Variants in FBXL18 observed in about 807,000 individuals in gnomAD.
The protein encoded by FBXL18 is F-box and leucine rich repeat protein 18.
Under a neutral mutation model 46.0 loss-of-function variants are expected in FBXL18, and 36 were observed. That is an observed-to-expected ratio of 0.78 (90% CI 0.60 to 1.03). FBXL18 has a LOEUF of 1.03. Ranked by LOEUF, FBXL18 falls within the 50% of genes least tolerant of loss-of-function variation. The probability of loss-of-function intolerance (pLI) is 0.00; values close to 1 mark genes in which losing one functional copy is unlikely to be tolerated. For missense variants in FBXL18, 977 were observed against 1,004.1 expected, an observed-to-expected ratio of 0.97 and a Z score of 0.36; for synonymous variants, 557 against 465.3, an observed-to-expected ratio of 1.20 and a Z score of -2.54.
intron 2 of FBXL18, among the ~76,000 whole-genome samples, chr7:5,504,829 T>C (rs113204767): frequency 7.4e-6 from 1 of 134,872 alleles, no homozygotes; most frequent in Admixed American, 8.6e-5. Flanking sequence ...GGCAGGAGAA[T>C]GGTGTGAACC....
rs1238766278 is a variant in FBXL18 at position 5,478,730 on chromosome 7, G to C, written c.*3045C>G. The C allele has an allele frequency of 6.6e-6, 1 of 152,344 alleles. No homozygotes were observed. The highest frequency in any genetic ancestry group is 1.5e-5 in the Non-Finnish European group (1 of 68,206). 9.4% of individuals were successfully genotyped at this position (152,344 alleles called of 1,614,324 possible). On this transcript the variant is annotated 3_prime_UTR_variant, in exon 5 of 5. Transcript: ENST00000382368. ...CACACACAGGGCACAGGTACACGAA[G>C]GCACACGTGCACACACAGGGCACAG... is the stretch of plus-strand genomic sequence containing the variant.
intron 4 of FBXL18, among the ~76,000 whole-genome samples, chr7:5,467,546 CAAA>C (rs1257961042): frequency 1.7e-5 from 2 of 119,254 alleles, no homozygotes; most frequent in Non-Finnish European, 3.6e-5. Flanking sequence ...ACTCCGTCTC[CAAA>C]AAAAAAAAAA....
chr7:5,460,793 G>A (rs752213547), intron 4 of FBXL18, among the ~76,000 whole-genome samples: 5 of 152,132 alleles, frequency 3.3e-5, no homozygotes, highest in African/African-American at 7.2e-5. Context: ...ACGTGCACCC[G>A]GGCCTCCATC....
At position 5,490,874 on chromosome 7, in the gene FBXL18, G is replaced by A. The variant is rs28372132; in HGVS notation, c.2000+357C>T. Among the ~76,000 whole-genome samples, 1,263 of 152,310 alleles carry A rather than the reference G, an allele frequency of 8.3e-3. 15 individuals are homozygous for A. Among genetic ancestry groups the A allele is most frequent in the African/African-American group, 0.029 (1,194 of 41,566 alleles). On this transcript the variant is annotated intron_variant, in intron 4 of 4. Transcript: ENST00000382368. ...CTCAGGAAGCCAAGGCAGGAGAATC[G>A]CTTGAACCCGGAAGGCGAAGGTCGC...
At chr7:5,491,195 C>A in intron 4 of FBXL18, 36 bp downstream of exon 4, 1 of 1,558,514 alleles carries the variant, frequency 6.4e-7, no homozygotes, top group Non-Finnish European at 8.7e-7. Context: ...GTGATTTCTG[C>A]GGCCCCTGAA....
chr7:5,468,011 C>T (rs1456084645), intron 4 of FBXL18, among the ~76,000 whole-genome samples: 1 of 147,764 alleles, frequency 6.8e-6, no homozygotes, highest in Admixed American at 6.8e-5. Flanking sequence ...GAGATGGAAT[C>T]TCGCTCTGTC....
At chr7:5,466,431 G>A (rs1264456543) in intron 4 of FBXL18, among the ~76,000 whole-genome samples, 4 of 152,148 alleles carry the variant, frequency 2.6e-5, no homozygotes, top group Non-Finnish European at 5.9e-5. Flanking sequence ...CTTGGCTGGA[G>A]GGAGGACCTC....
intron 1 of FBXL18, among the ~76,000 whole-genome samples, chr7:5,513,048 A>C (rs1287584573): frequency 6.6e-6 from 1 of 152,202 alleles, no homozygotes; most frequent in Non-Finnish European, 1.5e-5. Flanking sequence ...CAGAGTCTAG[A>C]GTCCCCGCTG....
rs544334184 is a variant in FBXL18 at position 5,512,745 on chromosome 7, G to A, written c.18+912C>T. On this transcript the variant is annotated intron_variant, in intron 1 of 4. Coordinates refer to ENST00000382368, the MANE Select transcript of FBXL18 (RefSeq NM_024963.6). ...ATCTTCATTTCAATCTTATCAATCT[G>A]CAGTTGAGCCACACACCGTTCCTTG... 3.3e-4 allele frequency among the ~76,000 whole-genome samples: 50 copies of A among 152,202 alleles called. 1 individual carries two copies. The East Asian group carries it at 8.1e-3, about 25-fold the overall frequency.
At chr7:5,486,960 C>T (rs2128234869) in intron 4 of FBXL18, among the ~76,000 whole-genome samples, 1 of 152,396 alleles carries the variant, frequency 6.6e-6, no homozygotes, top group Admixed American at 6.5e-5. Context: ...AAGAGAAAAG[C>T]GTCAGGAAAA....
chr7:5,486,231 A>AC, intron 4 of FBXL18, among the ~76,000 whole-genome samples: 8 of 148,068 alleles, frequency 5.4e-5, no homozygotes, highest in East Asian at 4.0e-4. Flanking sequence ...AGCCTGGGCA[A>AC]AAAGAGCAAA....
At chr7:5,500,378 C>T in intron 3 of FBXL18, 110 bp downstream of exon 3, 1 of 1,037,324 alleles carries the variant, frequency 9.6e-7, no homozygotes, top group Non-Finnish European at 1.4e-6. Context: ...GGCCCCGCCC[C>T]AGCCTCTGCA....
At chr7:5,488,224 A>G (rs1337302308) in intron 4 of FBXL18, among the ~76,000 whole-genome samples, 1 of 152,244 alleles carries the variant, frequency 6.6e-6, no homozygotes, top group Non-Finnish European at 1.5e-5. Context: ...CCCGGCCTGC[A>G]AGGGGCGGCA....
chr7:5,499,825 C>T (rs1052440867), intron 3 of FBXL18, among the ~76,000 whole-genome samples: 8 of 151,332 alleles, frequency 5.3e-5, no homozygotes, highest in African/African-American at 1.2e-4. Context: ...TTTGGGAGGC[C>T]GAGATGGAGG....
chr7:5,470,693 C>A (rs1297066433), intron 4 of FBXL18, among the ~76,000 whole-genome samples: 1 of 27,528 alleles, frequency 3.6e-5, no homozygotes, highest in African/African-American at 1.7e-4. Context: ...TGCCCCCTCC[C>A]CTTCCCGGGG....
chr7:5,500,895 G>A lies in FBXL18; in HGVS notation c.1374C>T (p.Ser458=). 2 of 1,586,688 alleles carry A rather than the reference G, an allele frequency of 1.3e-6. No homozygotes were observed. Among genetic ancestry groups the A allele is most frequent in the Non-Finnish European group, 1.7e-6 (2 of 1,165,278 alleles). Residue 458 remains serine, a synonymous_variant, in exon 3 of 5, where the codon TCC becomes TCT. Transcript: ENST00000382368. The part of the protein sequence containing the change: ...FGKKVRVGVQ[S]CPSPFSGQAC... ...CCTGGCCCGAGAAGGGGCTGGGACA[G>A]GACTGCACGCCCACACGCACTTTCT...
At chr7:5,469,687 C>T (rs535777790) in intron 4 of FBXL18, among the ~76,000 whole-genome samples, 4 of 150,474 alleles carry the variant, frequency 2.7e-5, no homozygotes, top group East Asian at 2.0e-4. Flanking sequence ...GGGAGCGTGC[C>T]GTGGAAAGCA....
rs1784605556 is a variant in FBXL18, at chr7:5,513,796, C to A, written c.-122G>T. On this transcript the variant is annotated 5_prime_UTR_variant, in exon 1 of 5. Coordinates refer to ENST00000382368, the MANE Select transcript of FBXL18 (RefSeq NM_024963.6). ...AACCGAGACCCCGGCAAGGAGCGGG[C>A]TCTCGTCACTTCCGGCGCCCGCCTA... The A allele has an allele frequency of 1.5e-6, 2 of 1,363,844 alleles. No homozygotes were observed. Among genetic ancestry groups the A allele is most frequent in the Admixed American group, 2.3e-5 (1 of 43,006 alleles). 84.5% of individuals were successfully genotyped at this position (1,363,844 alleles called of 1,614,324 possible).
chr7:5,464,466 C>G (rs1183954483), intron 4 of FBXL18, among the ~76,000 whole-genome samples: 1 of 151,690 alleles, frequency 6.6e-6, no homozygotes, highest in East Asian at 1.9e-4. Context: ...GGAGACAGAG[C>G]AAGACTCCAT....
Sources: gnomAD v4.1 joint callset for allele counts (sites outside exome capture counted in the v4.1 genomes callset) on GRCh38, gnomAD v4.1.1 for gene constraint, MANE v1.5 for transcripts, NCBI Gene and HGNC (gene_info 2026-07-23, HGNC 2026-07-21) for gene names.